The following EMG1 variants were observed in gnomAD, a reference collection of about 807,000 sequenced individuals.
EMG1 encodes EMG1 N1-specific pseudouridine methyltransferase.
EMG1 carries 24 observed loss-of-function variants against 26.9 expected under a neutral mutation model. The observed-to-expected ratio is 0.89, with a 90% CI of 0.65 to 1.26. The LOEUF (loss-of-function observed/expected upper bound fraction) is 1.26. Among genes scored for constraint, EMG1 ranks in the 50% most tolerant of loss-of-function variants. The pLI, the probability that EMG1 is intolerant of heterozygous loss-of-function variation, is 0.00. For missense variants in EMG1, 299 were observed against 307.6 expected (o/e 0.97, Z 0.21); for synonymous variants, 140 against 112.6 (o/e 1.24, Z -1.54).
intron 1 of EMG1, 41 bp downstream of exon 1, chr12:6,971,132 G>C: frequency 6.4e-7 from 1 of 1,550,416 alleles, no homozygotes; most frequent in Non-Finnish European, 8.8e-7. Context: ...AAATCGATAG[G>C]TTGGGACTCC....
intron 7 of EMG1, chr12:6,997,102 A>T (rs1405152779): frequency 6.6e-6 from 1 of 152,210 alleles, no homozygotes; most frequent in Non-Finnish European, 1.5e-5. Context: ...AGGTCTTCAA[A>T]CCTTTTTGCT....
In EMG1 at chr12:6,977,179, C is replaced by T; in HGVS notation, c.*1370C>T. 6.2e-7 allele frequency: 1 copy of T among 1,613,188 alleles called. No individual in the cohort carries two copies. The highest frequency in any genetic ancestry group is 1.1e-5 in the South Asian group (1 of 91,052). On this transcript the variant is annotated 3_prime_UTR_variant, in exon 6 of 6. Transcript: ENST00000599672. The surrounding 1 kb of genome is among the most constrained non-coding windows in gnomAD (Gnocchi z 4.5). ...TCTTCTTTAACTTCTCTTTCCTTGGCACCATTGCTTTGTGAATATAAGGCA... is the reference window on the plus strand; with the variant it reads ...TCTTCTTTAACTTCTCTTTCCTTGGTACCATTGCTTTGTGAATATAAGGCA...
downstream of EMG1, chr12:6,983,319 T>C (rs1381778166): frequency 1.4e-6 from 1 of 698,300 alleles, no homozygotes; most frequent in Non-Finnish European, 2.5e-6. Flanking sequence ...TCTTTGCAAG[T>C]GGGAGCATTA....
At chr12:6,988,368 A>G (rs1946549458), downstream of EMG1, 1 of 152,296 alleles carries the variant, frequency 6.6e-6, no homozygotes, top group Non-Finnish European at 1.5e-5. Flanking sequence ...AACTGTGCTG[A>G]GGTGAGTTGC....
At chr12:6,990,225 A>G (rs1267221804), downstream of EMG1, among the ~76,000 whole-genome samples, 2 of 151,006 alleles carry the variant, frequency 1.3e-5, no homozygotes, top group African/African-American at 2.4e-5. Context: ...TAAAAAAAAT[A>G]TAAGCGGGGC....
chr12:6,994,917 C>G (rs1723029674), intron 7 of EMG1, among the ~76,000 whole-genome samples: 1 of 152,216 alleles, frequency 6.6e-6, no homozygotes, highest in Non-Finnish European at 1.5e-5. Flanking sequence ...TCTTGCTACA[C>G]TGCTTCTTTG....
chr12:6,978,273 C>G lies in EMG1; in HGVS notation c.*2464C>G. The G allele has an allele frequency of 1.3e-6, 2 of 1,539,854 alleles. No homozygotes were observed. Among genetic ancestry groups the G allele is most frequent in the Non-Finnish European group, 1.8e-6 (2 of 1,138,514 alleles). On this transcript the variant is annotated 3_prime_UTR_variant, in exon 6 of 6. Transcript: ENST00000599672. ...CGCATAGGGGTGACATGGTACACCC[C>G]TGCCCTCCAATCTGGGAAGACAGTG...
chr12:6,978,171 G>A lies in EMG1; in HGVS notation c.*2362G>A. 1 of 760,954 alleles carries A rather than the reference G, an allele frequency of 1.3e-6. No homozygotes were observed. The allele number at this position is 760,954 out of a possible 1,614,324, so 47.1% of individuals were successfully genotyped here. A position where few individuals can be genotyped will look rare whatever the true frequency, so the allele number is the denominator to read the frequency against. Reference sequence around the variant, plus strand: ...CCTTTTTTTCAAATATGACAGTAATGGTTTTTTTGGGAGGGGGGTATAGGT... The same window carrying A: ...CCTTTTTTTCAAATATGACAGTAATAGTTTTTTTGGGAGGGGGGTATAGGT... On this transcript the variant is annotated 3_prime_UTR_variant, in exon 6 of 6. Coordinates refer to ENST00000599672, the MANE Select transcript of EMG1 (RefSeq NM_006331.8).
At chr12:6,974,228 C>A in intron 1 of EMG1, 111 bp from the exon 2 acceptor site, 2 of 785,770 alleles carry the variant, frequency 2.5e-6, no homozygotes, top group Non-Finnish European at 4.3e-6. Flanking sequence ...ATTTGCCTAA[C>A]AAGTTTCCAG....
chr12:6,982,716 C>T (rs782492797), downstream of EMG1: 20 of 1,613,936 alleles, frequency 1.2e-5, no homozygotes, highest in Non-Finnish European at 1.5e-5. Context: ...AGTGATGGTG[C>T]GGCCCATTAG....
chr12:6,973,446 C>T (rs1555152539), intron 1 of EMG1, among the ~76,000 whole-genome samples: 1 of 150,622 alleles, frequency 6.6e-6, no homozygotes, highest in East Asian at 2.0e-4. Flanking sequence ...GGGATTACAG[C>T]CGTGAGCCAC....
At chr12:6,973,596 C>T (rs991912904) in intron 1 of EMG1, among the ~76,000 whole-genome samples, 15 of 151,974 alleles carry the variant, frequency 9.9e-5, no homozygotes, top group Admixed American at 6.6e-4. Flanking sequence ...CGCTCTGTTG[C>T]CCGGGCTGGA....
chr12:6,990,417 G>A (rs1441467186), downstream of EMG1, among the ~76,000 whole-genome samples: 18 of 148,918 alleles, frequency 1.2e-4, no homozygotes, highest in South Asian at 4.3e-4. Context: ...GCTGAGGCAG[G>A]AGAATGGTGT....
chr12:6,979,818 A>G lies in EMG1; in HGVS notation c.*4009A>G. ...GGAAAGTCAGGGCAGCAGACAGTGG[A>G]CCAGTCTTGTGTTTACCCCTCAGGG... On this transcript the variant is annotated 3_prime_UTR_variant, in exon 6 of 6. Transcript: ENST00000599672. The G allele has an allele frequency of 1.8e-6, 1 of 545,084 alleles. No homozygotes were observed. 33.8% of individuals were successfully genotyped at this position (545,084 alleles called of 1,614,324 possible).
Position 6,975,081 on chromosome 12 carries a change from C to A in EMG1, c.413-9C>A. On this transcript the variant is annotated splice_polypyrimidine_tract_variant and intron_variant, in intron 3 of 5. Transcript: ENST00000599672. ...CATCTAGCTCTGAACTCTTTTTTCC[C>A]CCTTCTAGTTCAACTTTTACACAAG... 1.2e-6 allele frequency: 2 copies of A among 1,613,844 alleles called. No individual in the cohort carries two copies. The highest frequency in any genetic ancestry group is 1.7e-6 in the Non-Finnish European group (2 of 1,179,772).
In EMG1 at chr12:6,975,840, C is replaced by G; in HGVS notation, c.*31C>G. On this transcript the variant is annotated 3_prime_UTR_variant, in exon 6 of 6. Transcript: ENST00000599672. ...GTAGAACCTGTTCTGAAACCAGAAA[C>G]TGTTGATGTCACATCCTTTGACCCT... The G allele has an allele frequency of 8.0e-7, 1 of 1,249,470 alleles. No homozygotes were observed. 77.4% of individuals were successfully genotyped at this position (1,249,470 alleles called of 1,614,324 possible). A position where few individuals can be genotyped will look rare whatever the true frequency, so the allele number is the denominator to read the frequency against.
rs1311215311 is a variant in EMG1, at chr12:6,987,696, C to T, written c.*155-86C>T. The T allele has an allele frequency of 2.5e-6, 1 of 398,298 alleles. No homozygotes were observed. The highest frequency in any genetic ancestry group is 4.4e-6 in the Non-Finnish European group (1 of 225,776). The allele number at this position is 398,298 out of a possible 1,614,324, so 24.7% of individuals were successfully genotyped here. ...GTTTCTCTCTTTAAGCATGAAAACC[C>T]TTAACCATTTGGAATGCTCGAAATT... is the stretch of plus-strand genomic sequence containing the variant. On this transcript the variant is annotated intron_variant and NMD_transcript_variant, in intron 6 of 7. Transcript: ENST00000261406. This position sits in a 1 kb window ranked among gnomAD's most constrained non-coding sequence, Gnocchi z 4.1.
chr12:6,995,331 G>A (rs1198973899), intron 7 of EMG1, among the ~76,000 whole-genome samples: 8 of 152,010 alleles, frequency 5.3e-5, no homozygotes, highest in East Asian at 1.9e-4. Flanking sequence ...AAAATTAGCC[G>A]GGCGTGGTGG....
Position 6,976,946 on chromosome 12 carries a change from C to G in EMG1, c.*1137C>G. On this transcript the variant is annotated 3_prime_UTR_variant, in exon 6 of 6. Coordinates refer to ENST00000599672, the MANE Select transcript of EMG1 (RefSeq NM_006331.8). The stretch of plus-strand genomic sequence containing the variant: ...GTTAGTTACTCCTGTAATTCCTGGT[C>G]TATAGCCCTTCCAGATGTTTCCTAG... 1.8e-6 allele frequency: 1 copy of G among 563,206 alleles called. No individual in the cohort carries two copies. Among genetic ancestry groups the G allele is most frequent in the East Asian group, 2.9e-5 (1 of 34,280 alleles). 34.9% of individuals were successfully genotyped at this position (563,206 alleles called of 1,614,324 possible).
Sources: gnomAD v4.1 joint callset for allele counts (sites outside exome capture counted in the v4.1 genomes callset) on GRCh38, gnomAD v4.1.1 for gene constraint, Gnocchi (gnomAD v3.1) non-coding constraint, MANE v1.5 for transcripts, NCBI Gene and HGNC (gene_info 2026-07-23, HGNC 2026-07-21) for gene names.